The following CALN1 variants were observed in gnomAD, a reference collection of about 807,000 sequenced individuals.
CALN1 encodes calcium-binding protein 8.
In CALN1, 17 loss-of-function variants were observed where a neutral mutation model predicts 30.6. The observed-to-expected ratio is 0.56, with a 90% CI of 0.38 to 0.83. The LOEUF (loss-of-function observed/expected upper bound fraction) is 0.83, where lower values mean the gene tolerates loss of function less well. CALN1 is among the 40% of genes least tolerant of loss of function. CALN1 has a pLI of 0.00. For missense variants in CALN1, 291 were observed against 354.9 expected (o/e 0.82, Z 1.45); for synonymous variants, 156 against 131.4 (o/e 1.19, Z -1.28).
intron 6 of CALN1, among the ~76,000 whole-genome samples, chr7:71,810,055 A>C (rs1449501446): frequency 1.3e-5 from 2 of 152,150 alleles, no homozygotes; most frequent in Non-Finnish European, 2.9e-5. Context: ...AACAGCACAA[A>C]ACCACACATC....
At chr7:72,460,919 G>T in the CALN1 span, among the ~76,000 whole-genome samples, 26 of 152,278 alleles carry the variant, frequency 1.7e-4, no homozygotes, top group Non-Finnish European at 7.3e-5. Flanking sequence ...CTGAGTCTGG[G>T]TTCAGCTCCA....
chr7:72,290,808 A>T (rs377748262), intron 2 of CALN1, among the ~76,000 whole-genome samples: 12 of 152,116 alleles, frequency 7.9e-5, no homozygotes, highest in African/African-American at 2.9e-4. Flanking sequence ...TTTCATTTAC[A>T]TGACTGTATT....
Position 71,786,632 on chromosome 7 carries a change from G to A in CALN1, c.*1143C>T, listed in dbSNP as rs375270448. 1.3e-5 allele frequency: 2 copies of A among 152,180 alleles called. No individual in the cohort carries two copies. The highest frequency in any genetic ancestry group is 1.5e-5 in the Non-Finnish European group (1 of 68,038). 9.4% of individuals were successfully genotyped at this position (152,180 alleles called of 1,614,324 possible). ...GAAGATCTTATGTGAAAATACAGTC[G>A]TTTGATCTCTCCATCTTTCCATTTT... On this transcript the variant is annotated 3_prime_UTR_variant, in exon 7 of 7. Transcript: ENST00000395275.
rs1431084876 is a variant in CALN1 at position 72,412,297 on chromosome 7, A to C, written c.-313T>G. ...TAAGCTTTATTAAGAAGCAGGAAAG[A>C]AAAAAACACAAACTCAAGCGGATAG... On this transcript the variant is annotated 5_prime_UTR_variant, in exon 1 of 7. Coordinates refer to ENST00000395275, the MANE Select transcript of CALN1 (RefSeq NM_031468.4). The C allele has an allele frequency of 1.3e-5, 2 of 151,716 alleles. No individual in the cohort carries two copies. The highest frequency in any genetic ancestry group is 4.9e-5 in the African/African-American group (2 of 41,084). The allele number at this position is 151,716 out of a possible 1,614,324, so 9.4% of individuals were successfully genotyped here. A position where few individuals can be genotyped will look rare whatever the true frequency, so the allele number is the denominator to read the frequency against.
intron 3 of CALN1, among the ~76,000 whole-genome samples, chr7:72,253,597 C>A (rs73359173): frequency 1.3e-5 from 2 of 152,196 alleles, no homozygotes; most frequent in African/African-American, 4.8e-5. Context: ...ATAAAACCAT[C>A]AGATCTCATG....
chr7:71,818,268 G>A (rs544658241), intron 5 of CALN1, among the ~76,000 whole-genome samples: 1 of 152,192 alleles, frequency 6.6e-6, no homozygotes, highest in South Asian at 2.1e-4. Context: ...GGCTGACTTT[G>A]CCAGGTGAGT....
At chr7:71,958,757 T>A (rs374326419) in intron 5 of CALN1, among the ~76,000 whole-genome samples, 7 of 152,220 alleles carry the variant, frequency 4.6e-5, no homozygotes, top group African/African-American at 1.7e-4. Context: ...TGGTCTCTTC[T>A]GTTAGATTTC....
rs562004499 is a variant in CALN1, at chr7:72,043,894, C to T, written c.389-20125G>A. ...GGCTGGGGAGGCCTCACAATCATGG[C>T]GGAAGGCAAAGGAGGAGCAAGTTAC... is the stretch of plus-strand genomic sequence containing the variant. On this transcript the variant is annotated intron_variant, in intron 4 of 6. Coordinates refer to ENST00000395275, the MANE Select transcript of CALN1 (RefSeq NM_031468.4). Among the ~76,000 whole-genome samples, 12 of 152,218 alleles carry T rather than the reference C, an allele frequency of 7.9e-5. No homozygotes were observed. In the East Asian group the frequency reaches 2.1e-3, roughly 27 times the overall value.
the CALN1 span, among the ~76,000 whole-genome samples, chr7:72,481,452 GT>G: frequency 2.0e-5 from 3 of 152,068 alleles, no homozygotes; most frequent in African/African-American, 4.8e-5. Context: ...TTGCTTTTCT[GT>G]TTTCTATTTC....
rs188471570 is a variant in CALN1 at position 72,321,482 on chromosome 7, C to T, written c.120-42672G>A. On this transcript the variant is annotated intron_variant, in intron 2 of 6. Transcript: ENST00000395275. Reference sequence around the variant, plus strand: ...TACAAGTGTTCTCTATGGGTTTCAACGACAGGAGACAATATTTTGGGCGAA... The same window carrying T: ...TACAAGTGTTCTCTATGGGTTTCAATGACAGGAGACAATATTTTGGGCGAA... 1.2e-4 allele frequency among the ~76,000 whole-genome samples: 18 copies of T among 152,244 alleles called. No individual in the cohort carries two copies. The East Asian group carries it at 2.9e-3, about 24-fold the overall frequency.
intron 5 of CALN1, among the ~76,000 whole-genome samples, chr7:72,014,875 CTGGTCT>C (rs1224120505): frequency 6.6e-6 from 1 of 152,034 alleles, no homozygotes; most frequent in Non-Finnish European, 1.5e-5. Flanking sequence ...GTTACCCAGG[CTGGTCT>C]CAAACTCCTG....
intron 5 of CALN1, among the ~76,000 whole-genome samples, chr7:71,854,231 A>C: frequency 6.6e-6 from 1 of 152,172 alleles, no homozygotes; most frequent in Non-Finnish European, 1.5e-5. Context: ...CAGGCCGGGC[A>C]GGAGGCTGAG....
At chr7:72,288,368 T>C (rs1371218980) in intron 2 of CALN1, among the ~76,000 whole-genome samples, 1 of 152,140 alleles carries the variant, frequency 6.6e-6, no homozygotes, top group African/African-American at 2.4e-5. Flanking sequence ...CCCAAGCAAG[T>C]GATCAAAGAC....
chr7:72,034,499 T>C (rs1401230284), intron 4 of CALN1, among the ~76,000 whole-genome samples: 1 of 150,822 alleles, frequency 6.6e-6, no homozygotes, highest in Non-Finnish European at 1.5e-5. Context: ...GATTTGAAAG[T>C]CTCCAGGATG....
intron 2 of CALN1, among the ~76,000 whole-genome samples, chr7:72,336,366 G>C (rs1295279605): frequency 6.6e-6 from 1 of 152,134 alleles, no homozygotes; most frequent in East Asian, 1.9e-4. Flanking sequence ...CTGGCGCCTG[G>C]GGGCTAGAAG....
intron 5 of CALN1, among the ~76,000 whole-genome samples, chr7:71,876,223 C>T (rs945688564): frequency 5.9e-5 from 9 of 152,002 alleles, no homozygotes; most frequent in Non-Finnish European, 8.8e-5. Flanking sequence ...GTCATGATGG[C>T]GCCATCATGA....
At chr7:71,929,190 C>T (rs373144653) in intron 5 of CALN1, among the ~76,000 whole-genome samples, 5 of 152,108 alleles carry the variant, frequency 3.3e-5, no homozygotes, top group Admixed American at 2.0e-4. Context: ...TAGTTAAACA[C>T]GTGCCATGGT....
chr7:72,326,941 C>A lies in CALN1; in HGVS notation c.120-48131G>T, dbSNP rs116247742. 5.6e-3 allele frequency among the ~76,000 whole-genome samples: 856 copies of A among 152,258 alleles called. 7 individuals carry two copies. Among genetic ancestry groups the A allele is most frequent in the African/African-American group, 0.02 (811 of 41,544 alleles). On this transcript the variant is annotated intron_variant, in intron 2 of 6. Transcript: ENST00000395275. ...TAAATTCCATGGTTCTATTACTTTGCAGTCAATGTCTTCTAAACACATATT... is the reference window on the plus strand; with the variant it reads ...TAAATTCCATGGTTCTATTACTTTGAAGTCAATGTCTTCTAAACACATATT...
At chr7:72,466,899 AAG>A in the CALN1 span, among the ~76,000 whole-genome samples, 95 of 152,166 alleles carry the variant, frequency 6.2e-4, 1 homozygote, top group African/African-American at 2.2e-3. Flanking sequence ...AAGAAAAAGA[AAG>A]AGAAAGAAAG....
Sources: allele counts gnomAD v4.1 joint callset (sites outside exome capture counted in the v4.1 genomes callset), GRCh38; gene constraint gnomAD v4.1.1; transcripts MANE v1.5; gene names NCBI Gene and HGNC (gene_info 2026-07-23, HGNC 2026-07-21).